Variants in AZIN2 observed in about 807,000 individuals in gnomAD.
The protein encoded by AZIN2 is ODC antizyme inhibitor-2.
Under a neutral mutation model 47.8 loss-of-function variants are expected in AZIN2, and 28 were observed. The observed-to-expected ratio is 0.59, with a 90% CI of 0.43 to 0.80. The LOEUF (loss-of-function observed/expected upper bound fraction) is 0.80, where lower values mean the gene tolerates loss of function less well. AZIN2 is among the 30% of genes least tolerant of loss of function. The probability of loss-of-function intolerance (pLI) is 0.00; values close to 1 mark genes in which losing one functional copy is unlikely to be tolerated. For missense variants in AZIN2, 535 were observed against 582.5 expected (o/e 0.92, Z 0.84); for synonymous variants, 221 against 239.4 (o/e 0.92, Z 0.71).
At chr1:33,103,381 GTTTC>G (rs1340846086) in intron 10 of AZIN2, among the ~76,000 whole-genome samples, 1 of 151,998 alleles carries the variant, frequency 6.6e-6, no homozygotes, top group African/African-American at 2.4e-5. Flanking sequence ...CACCTAAGTT[GTTTC>G]TGCTCTCAGG....
At chr1:33,091,169 A>G (rs1363762854) in intron 5 of AZIN2, among the ~76,000 whole-genome samples, 5 of 152,200 alleles carry the variant, frequency 3.3e-5, no homozygotes, top group Admixed American at 6.5e-5. Context: ...GAGTGCAGAT[A>G]TCTCTTTTAC....
chr1:33,090,468 C>T (rs575828244), intron 5 of AZIN2, among the ~76,000 whole-genome samples: 13 of 152,298 alleles, frequency 8.5e-5, no homozygotes, highest in African/African-American at 3.1e-4. Flanking sequence ...CCCTGCACAC[C>T]CAGTGCAGGG....
the AZIN2 span, among the ~76,000 whole-genome samples, chr1:33,129,260 T>C: frequency 6.6e-6 from 1 of 152,268 alleles, no homozygotes; most frequent in East Asian, 1.9e-4. The surrounding 1 kb of genome is among the most constrained non-coding windows in gnomAD (Gnocchi z 4.1). Context: ...TAAAGTTACT[T>C]ATGGGTTGGG....
At chr1:33,105,447 A>G (rs1040186105) in intron 10 of AZIN2, among the ~76,000 whole-genome samples, 1 of 152,246 alleles carries the variant, frequency 6.6e-6, no homozygotes, top group Non-Finnish European at 1.5e-5. Context: ...TAAAAAGGAA[A>G]GAGGTTTAAT....
At chr1:33,158,467 T>A in the AZIN2 span, 1 of 870,560 alleles carries the variant, frequency 1.1e-6, no homozygotes, top group Non-Finnish European at 1.9e-6. Flanking sequence ...GCATAGGATG[T>A]GGTCATGAGT....
intron 5 of AZIN2, among the ~76,000 whole-genome samples, chr1:33,087,131 A>G (rs61799487): frequency 0.023 from 3,488 of 149,488 alleles, 64 homozygotes; most frequent in Non-Finnish European, 0.034. Flanking sequence ...GTGGATATGT[A>G]GTATTTTTTT....
the AZIN2 span, among the ~76,000 whole-genome samples, chr1:33,154,921 G>C: frequency 6.6e-6 from 1 of 151,406 alleles, no homozygotes; most frequent in Non-Finnish European, 1.5e-5. Flanking sequence ...GTGAAACCCC[G>C]TCTCTACTAA....
At chr1:33,145,520 C>T in the AZIN2 span, 1 of 171,418 alleles carries the variant, frequency 5.8e-6, no homozygotes, top group South Asian at 1.3e-4. Context: ...TGGGGTAGGG[C>T]TGACAATTCC....
At chr1:33,147,388 C>T in the AZIN2 span, 30 of 1,614,024 alleles carry the variant, frequency 1.9e-5, no homozygotes, top group Admixed American at 3.3e-5. This position sits in a 1 kb window ranked among gnomAD's most constrained non-coding sequence, Gnocchi z 8.1. Flanking sequence ...GACGTTAAGC[C>T]GCGTCCAGGG....
At chr1:33,124,117 G>A (rs545672612), downstream of AZIN2, among the ~76,000 whole-genome samples, 46 of 152,286 alleles carry the variant, frequency 3.0e-4, no homozygotes, top group South Asian at 8.9e-3. The surrounding 1 kb of genome is among the most constrained non-coding windows in gnomAD (Gnocchi z 4.6). Context: ...ATTGAGCCGA[G>A]ATCCTGCCAT....
At chr1:33,091,398 C>T (rs1171244690) in intron 5 of AZIN2, among the ~76,000 whole-genome samples, 10 of 152,130 alleles carry the variant, frequency 6.6e-5, no homozygotes, top group Non-Finnish European at 1.2e-4. Context: ...TACTACCAAG[C>T]CTGGCTAATT....
At position 33,123,048 on chromosome 1, in the gene AZIN2, C is replaced by T. The variant is rs924649163; in HGVS notation, c.*2866C>T. On this transcript the variant is annotated 3_prime_UTR_variant, in exon 12 of 12. Coordinates refer to ENST00000294517, the MANE Select transcript of AZIN2 (RefSeq NM_052998.4). Reference sequence around the variant, plus strand: ...TGGGTCCTGGCCACACTGGCCTCCCCTCTGTTCTTCAAACACTCCACTGCT... The same window carrying T: ...TGGGTCCTGGCCACACTGGCCTCCCTTCTGTTCTTCAAACACTCCACTGCT... Among the ~76,000 whole-genome samples the T allele has an allele frequency of 2.0e-5, 3 of 152,206 alleles. No individual in the cohort carries two copies. Among genetic ancestry groups the T allele is most frequent in the Non-Finnish European group, 4.4e-5 (3 of 68,042 alleles).
At chr1:33,139,780 G>A in the AZIN2 span, among the ~76,000 whole-genome samples, 1 of 152,150 alleles carries the variant, frequency 6.6e-6, no homozygotes, top group African/African-American at 2.4e-5. Context: ...CTGAGGATGG[G>A]GGCAAGAGTG....
rs1456157224 is a variant in AZIN2, at chr1:33,123,274, T to C, written c.*3092T>C. Among the ~76,000 whole-genome samples, 1 of 152,240 alleles carries C rather than the reference T, an allele frequency of 6.6e-6. No individual in the cohort carries two copies. Among genetic ancestry groups the C allele is most frequent in the East Asian group, 1.9e-4 (1 of 5,206 alleles). ...TCATAGTACCTACCACCACTCAACA[T>C]ACTCTATAACATAACTCCATAATGT... On this transcript the variant is annotated 3_prime_UTR_variant, in exon 12 of 12. Transcript: ENST00000294517.
chr1:33,165,757 TATCTTTCACCTGC>T, the AZIN2 span: 1 of 427,620 alleles, frequency 2.3e-6, no homozygotes, highest in Non-Finnish European at 4.1e-6. The surrounding 1 kb of genome is among the most constrained non-coding windows in gnomAD (Gnocchi z 4.0). Flanking sequence ...AACCCGTCCG[TATCTTTCACCTGC>T]ATCTTTGCAA....
rs957538309 is a variant in AZIN2, at chr1:33,121,564, C to T, written c.*1382C>T. Among the ~76,000 whole-genome samples the T allele has an allele frequency of 6.6e-5, 10 of 152,116 alleles. No homozygotes were observed. Among genetic ancestry groups the T allele is most frequent in the African/African-American group, 1.2e-4 (5 of 41,404 alleles). On this transcript the variant is annotated 3_prime_UTR_variant, in exon 12 of 12. Transcript: ENST00000294517. Reference sequence around the variant, plus strand: ...CTGCACTCCAGCCTGGGCGACTGAGCGAGACCCTGCCTCAAATAAAGAAAT... The same window carrying T: ...CTGCACTCCAGCCTGGGCGACTGAGTGAGACCCTGCCTCAAATAAAGAAAT...
rs901641368 is a variant in AZIN2, at chr1:33,093,124, C to T, written c.453-158C>T. The T allele has an allele frequency of 3.3e-6, 3 of 916,050 alleles. No homozygotes were observed. In the African/African-American group the frequency reaches 5.0e-5, roughly 15 times the overall value. 56.7% of individuals were successfully genotyped at this position (916,050 alleles called of 1,614,324 possible). A position where few individuals can be genotyped will look rare whatever the true frequency, so the allele number is the denominator to read the frequency against. On this transcript the variant is annotated intron_variant, in intron 6 of 11. Coordinates refer to ENST00000294517, the MANE Select transcript of AZIN2 (RefSeq NM_052998.4). ...CATTTAGAGAATGGATTGGACAGGA[C>T]TTGAAGGTTGATTGGCTGTGTAGGG...
chr1:33,083,899 T>G, intron 4 of AZIN2, 55 bp from the exon 5 acceptor site: 1 of 1,602,204 alleles, frequency 6.2e-7, no homozygotes, highest in Non-Finnish European at 8.5e-7. Context: ...ACGGATGGCA[T>G]GCACAGGGTG....
At chr1:33,136,317 T>C in the AZIN2 span, among the ~76,000 whole-genome samples, 1 of 147,588 alleles carries the variant, frequency 6.8e-6, no homozygotes, top group Non-Finnish European at 1.5e-5. Context: ...TCTTTCTTTC[T>C]TTTTCTTTCT....
Sources: gnomAD v4.1 joint callset for allele counts (sites outside exome capture counted in the v4.1 genomes callset) on GRCh38, gnomAD v4.1.1 for gene constraint, Gnocchi (gnomAD v3.1) non-coding constraint, MANE v1.5 for transcripts, NCBI Gene and HGNC (gene_info 2026-07-23, HGNC 2026-07-21) for gene names.